ADAM12: variants seen among roughly 807,000 people sequenced by gnomAD.
ADAM12 encodes the protein disintegrin and metalloproteinase domain-containing protein 12.
In ADAM12, 70 loss-of-function variants were observed where a neutral mutation model predicts 106.4. The ratio of observed to expected loss-of-function variants is 0.66; its 90% confidence interval spans 0.54 to 0.80. The LOEUF is 0.80. Ranked by LOEUF, ADAM12 falls within the 30% of genes least tolerant of loss-of-function variation. ADAM12 has a pLI of 0.00. For missense variants in ADAM12, 1,010 were observed against 1,171.9 expected (o/e 0.86, Z 2.02); for synonymous variants, 420 against 433.5 (o/e 0.97, Z 0.39).
intron 11 of ADAM12, among the ~76,000 whole-genome samples, chr10:126,074,942 T>G (rs1465676642): frequency 1.3e-5 from 2 of 152,162 alleles, no homozygotes; most frequent in Non-Finnish European, 2.9e-5. Flanking sequence ...CAGCAACTCC[T>G]GACCATGGGT....
chr10:126,118,314 G>T, intron 5 of ADAM12, 90 bp from the exon 6 acceptor site: 1 of 915,178 alleles, frequency 1.1e-6, no homozygotes, highest in Admixed American at 2.8e-5. Flanking sequence ...GAGAGAGAAT[G>T]AAAACAGAAA....
chr10:126,047,044 A>G (rs1005856893), intron 16 of ADAM12, among the ~76,000 whole-genome samples: 2 of 152,136 alleles, frequency 1.3e-5, no homozygotes, highest in African/African-American at 4.8e-5. Flanking sequence ...GAATTTATCA[A>G]GCTGTTGTAG....
intron 14 of ADAM12, among the ~76,000 whole-genome samples, chr10:126,061,095 T>C (rs1201448194): frequency 6.6e-6 from 1 of 152,214 alleles, no homozygotes; most frequent in East Asian, 1.9e-4. Flanking sequence ...GGCAACCTTG[T>C]CTTCAAAGCC....
chr10:126,308,796 T>C (rs1044608917), intron 2 of ADAM12, among the ~76,000 whole-genome samples: 3 of 152,178 alleles, frequency 2.0e-5, no homozygotes, highest in African/African-American at 7.2e-5. Context: ...ATCTCATAGT[T>C]AGCAACTGCA....
intron 16 of ADAM12, among the ~76,000 whole-genome samples, chr10:126,046,676 GC>G (rs1054963478): frequency 5.3e-5 from 8 of 151,452 alleles, no homozygotes; most frequent in Non-Finnish European, 1.0e-4. Flanking sequence ...GGTGGCACGT[GC>G]CTGTAATTCC....
intron 2 of ADAM12, among the ~76,000 whole-genome samples, chr10:126,300,667 A>G (rs1160906293): frequency 2.0e-5 from 3 of 152,192 alleles, no homozygotes; most frequent in African/African-American, 7.2e-5. Flanking sequence ...TTATTACCAT[A>G]TGACCTCACT....
intron 3 of ADAM12, among the ~76,000 whole-genome samples, chr10:126,215,125 C>T (rs906319928): frequency 3.9e-5 from 6 of 152,232 alleles, no homozygotes; most frequent in Admixed American, 1.3e-4. Flanking sequence ...TTCCTGCTCA[C>T]ATCTGTGACT....
chr10:126,160,406 G>A (rs1020550723), intron 3 of ADAM12, among the ~76,000 whole-genome samples: 5 of 152,144 alleles, frequency 3.3e-5, no homozygotes, highest in African/African-American at 1.2e-4. Flanking sequence ...CCAAACTGAA[G>A]ATGGGCTTTC....
chr10:126,080,404 A>C (rs1303316631), intron 11 of ADAM12, among the ~76,000 whole-genome samples: 4 of 152,206 alleles, frequency 2.6e-5, no homozygotes, highest in Non-Finnish European at 5.9e-5. Flanking sequence ...AACTGAAGTG[A>C]CCTATAGCAG....
At chr10:126,301,342 G>C (rs1960615515) in intron 2 of ADAM12, among the ~76,000 whole-genome samples, 1 of 152,150 alleles carries the variant, frequency 6.6e-6, no homozygotes, top group Non-Finnish European at 1.5e-5. Flanking sequence ...GATGTGTTAT[G>C]TTCTTTTTAA....
chr10:126,249,481 C>T (rs1019302168), intron 3 of ADAM12, among the ~76,000 whole-genome samples: 1 of 152,174 alleles, frequency 6.6e-6, no homozygotes, highest in Non-Finnish European at 1.5e-5. Flanking sequence ...GGGAGGATCA[C>T]GAGGTCAGGA....
At chr10:126,187,494 T>C (rs375773094) in intron 3 of ADAM12, among the ~76,000 whole-genome samples, 1 of 152,250 alleles carries the variant, frequency 6.6e-6, no homozygotes, top group Middle Eastern at 3.4e-3. Context: ...CTGTATTTGA[T>C]GTCTGTAGGC....
At chr10:126,258,950 C>G (rs1958946584) in intron 3 of ADAM12, among the ~76,000 whole-genome samples, 1 of 152,144 alleles carries the variant, frequency 6.6e-6, no homozygotes, top group South Asian at 2.1e-4. Context: ...GGGCTGTTTC[C>G]CCCCTGTTCC....
At chr10:126,318,144 T>C (rs1853952278) in intron 2 of ADAM12, among the ~76,000 whole-genome samples, 1 of 151,942 alleles carries the variant, frequency 6.6e-6, no homozygotes, top group Non-Finnish European at 1.5e-5. Flanking sequence ...GTACAGGAAA[T>C]ATACCAGATG....
chr10:126,384,287 TTTG>T (rs1024263468), intron 1 of ADAM12, among the ~76,000 whole-genome samples: 5 of 152,232 alleles, frequency 3.3e-5, no homozygotes, highest in Non-Finnish European at 5.9e-5. Context: ...GTCATGTTTT[TTTG>T]TTATTTGCAG....
At chr10:126,115,505 C>G (rs1398330635) in intron 6 of ADAM12, among the ~76,000 whole-genome samples, 3 of 152,142 alleles carry the variant, frequency 2.0e-5, no homozygotes, top group African/African-American at 7.2e-5. Flanking sequence ...TGGGTTCTCA[C>G]TAAAATCTAA....
rs564958099 is a variant in ADAM12 at position 126,049,327 on chromosome 10, T to C, written c.1843A>G (p.Thr615Ala). Residue 615 changes from threonine to alanine, a missense_variant, in exon 16 of 23, where the codon ACC (threonine) becomes GCC (alanine). Coordinates refer to ENST00000448723, the MANE Select transcript of ADAM12 (RefSeq NM_001288973.2). This position sits in a 1 kb window ranked among gnomAD's most constrained non-coding sequence, Gnocchi z 4.4. ...ATGTCATCGCCCAAGTACACGTGGG[T>C]CCCCCGGCACAGAATCCGGCCTCCT... ...QQGGRILCRG[T>A]HVYLGDDMPD... is the part of the protein sequence containing the mutation. The C allele has an allele frequency of 4.2e-5, 68 of 1,614,118 alleles. No homozygotes were observed. Among genetic ancestry groups the C allele is most frequent in the African/African-American group, 9.3e-5 (7 of 75,012 alleles).
intron 11 of ADAM12, among the ~76,000 whole-genome samples, chr10:126,077,263 T>G (rs934043807): frequency 1.3e-5 from 2 of 151,882 alleles, no homozygotes; most frequent in Non-Finnish European, 2.9e-5. Flanking sequence ...ATGACCCAAA[T>G]AAACAAAAAA....
intron 2 of ADAM12, among the ~76,000 whole-genome samples, chr10:126,306,508 C>T (rs758480501): frequency 2.0e-5 from 3 of 152,126 alleles, no homozygotes; most frequent in South Asian, 2.1e-4. Context: ...TATCTGGCAT[C>T]GTTTTCCTTC....
Sources: gnomAD v4.1 joint callset for allele counts (sites outside exome capture counted in the v4.1 genomes callset) on GRCh38, gnomAD v4.1.1 for gene constraint, Gnocchi (gnomAD v3.1) non-coding constraint, MANE v1.5 for transcripts, NCBI Gene and HGNC (gene_info 2026-07-23, HGNC 2026-07-21) for gene names.